SEMA6A: variants seen among roughly 807,000 people sequenced by gnomAD.
SEMA6A encodes the protein semaphorin-6A.
A neutral mutation model predicts 96.8 loss-of-function variants in SEMA6A; 25 were observed. The ratio of observed to expected loss-of-function variants is 0.26; its 90% CI spans 0.19 to 0.36. The LOEUF (loss-of-function observed/expected upper bound fraction) is 0.36. Among genes scored for constraint, SEMA6A ranks in the 10% least tolerant of loss-of-function variants. The probability of loss-of-function intolerance (pLI) is 1.00; values close to 1 mark genes in which losing one functional copy is unlikely to be tolerated. For synonymous variants in SEMA6A, 612 were observed against 518.0 expected, an observed-to-expected ratio of 1.18 and a Z score of -2.46; for missense variants, 1,363 against 1,323.1, an observed-to-expected ratio of 1.03 and a Z score of -0.47.
At chr5:116,473,402 T>C (rs1396411073) in intron 16 of SEMA6A, among the ~76,000 whole-genome samples, 6 of 152,354 alleles carry the variant, frequency 3.9e-5, no homozygotes, top group African/African-American at 1.2e-4. Flanking sequence ...TAAACCCTTC[T>C]TTATACAGAG....
At chr5:116,506,512 C>T (rs1458083904) in intron 1 of SEMA6A, among the ~76,000 whole-genome samples, 1 of 152,282 alleles carries the variant, frequency 6.6e-6, no homozygotes, top group East Asian at 1.9e-4. Flanking sequence ...TTTGCCAGTT[C>T]TTCCTATCCT....
intron 1 of SEMA6A, among the ~76,000 whole-genome samples, chr5:116,554,504 C>A (rs1326481856): frequency 6.6e-6 from 1 of 152,142 alleles, no homozygotes; most frequent in South Asian, 2.1e-4. Context: ...AAAATACACA[C>A]ATTTATTTGG....
chr5:116,463,393 G>T (rs1392667626), intron 18 of SEMA6A, among the ~76,000 whole-genome samples: 3 of 152,126 alleles, frequency 2.0e-5, no homozygotes, highest in Non-Finnish European at 4.4e-5. Context: ...TAACTATAAA[G>T]AGAATTATTG....
intron 5 of SEMA6A, 77 bp from the exon 6 acceptor site, chr5:116,495,591 G>T: frequency 9.1e-7 from 1 of 1,101,834 alleles, no homozygotes; most frequent in Non-Finnish European, 1.3e-6. Flanking sequence ...GCCATGGTTG[G>T]CTGACAGTAA....
rs112230290 is a variant in SEMA6A, at chr5:116,495,605, T to A, written c.343-91A>T. 3,002 of 936,600 alleles carry A rather than the reference T, an allele frequency of 3.2e-3. 63 individuals carry two copies. The African/African-American group carries it at 0.044, about 14-fold the overall frequency. The allele number at this position is 936,600 out of a possible 1,614,324, so 58.0% of individuals were successfully genotyped here. A position where few individuals can be genotyped will look rare whatever the true frequency, so the allele number is the denominator to read the frequency against. ...TGCCATGGTTGGCTGACAGTAAGGT[T>A]AAAGTGGAGGTGGCTGAGGACTTCT... On this transcript the variant is annotated intron_variant, in intron 5 of 18. Transcript: ENST00000343348.
At chr5:116,455,106 T>C (rs972961415) in intron 18 of SEMA6A, among the ~76,000 whole-genome samples, 6 of 152,160 alleles carry the variant, frequency 3.9e-5, no homozygotes, top group African/African-American at 1.4e-4. Flanking sequence ...GAAGGGAGAA[T>C]GAGCCTGGAA....
At chr5:116,517,564 C>T (rs976846853) in intron 1 of SEMA6A, among the ~76,000 whole-genome samples, 2 of 152,138 alleles carry the variant, frequency 1.3e-5, no homozygotes, top group African/African-American at 4.8e-5. Context: ...GACTGAGTTA[C>T]TTATTTTTCA....
chr5:116,479,994 C>T (rs1048578493), intron 12 of SEMA6A, 128 bp downstream of exon 12: 1 of 1,111,280 alleles, frequency 9.0e-7, no homozygotes, highest in Non-Finnish European at 1.3e-6. Context: ...GCCACCATTT[C>T]ACAGCTGAAT....
intron 12 of SEMA6A, among the ~76,000 whole-genome samples, chr5:116,479,524 T>C (rs1756643375): frequency 6.6e-6 from 1 of 152,260 alleles, no homozygotes; most frequent in Admixed American, 6.5e-5. Context: ...GTTTGATGGC[T>C]ACCACAGTGG....
At chr5:116,491,428 T>C (rs887338159) in intron 7 of SEMA6A, among the ~76,000 whole-genome samples, 5 of 152,076 alleles carry the variant, frequency 3.3e-5, no homozygotes, top group Non-Finnish European at 7.4e-5. Context: ...AATTTAATTT[T>C]TTTTTTTTAC....
intron 17 of SEMA6A, chr5:116,472,459 G>A (rs777650315): frequency 1.3e-5 from 2 of 158,062 alleles, no homozygotes; most frequent in Non-Finnish European, 2.8e-5. Flanking sequence ...TGTGTATCCT[G>A]TATAGATTTT....
intron 18 of SEMA6A, among the ~76,000 whole-genome samples, chr5:116,448,482 C>T (rs915459956): frequency 1.3e-5 from 2 of 152,080 alleles, no homozygotes; most frequent in African/African-American, 4.8e-5. Flanking sequence ...TTTAACCTTC[C>T]CTTCCTAGAA....
At chr5:116,476,618 T>G (rs1756463911) in intron 15 of SEMA6A, among the ~76,000 whole-genome samples, 2 of 152,206 alleles carry the variant, frequency 1.3e-5, no homozygotes, top group Non-Finnish European at 1.5e-5. Flanking sequence ...ATGCAAACCT[T>G]AAGGAAACTA....
Position 116,480,050 on chromosome 5 carries a change from A to G in SEMA6A, c.1250+72T>C, listed in dbSNP as rs905493762. ...GATGTTTGTGGCATTTCAAAGCATG[A>G]TCCACTGATTGGTTCTCCGACATGA... On this transcript the variant is annotated intron_variant, in intron 12 of 18. Transcript: ENST00000343348. 2.1e-5 allele frequency: 33 copies of G among 1,539,242 alleles called. No homozygotes were observed. In the African/African-American group the frequency reaches 4.1e-4, roughly 19 times the overall value.
At chr5:116,553,388 A>G (rs995522644) in intron 1 of SEMA6A, among the ~76,000 whole-genome samples, 6 of 152,194 alleles carry the variant, frequency 3.9e-5, no homozygotes, top group African/African-American at 1.4e-4. Flanking sequence ...ACTTGGTGTC[A>G]TTAGCGTCTA....
At chr5:116,570,353 T>A (rs907873739) in intron 1 of SEMA6A, among the ~76,000 whole-genome samples, 3 of 147,002 alleles carry the variant, frequency 2.0e-5, no homozygotes, top group African/African-American at 7.5e-5. Context: ...GTGGGGGGGG[T>A]TCCTGATATG....
chr5:116,453,275 A>T (rs1317586352), intron 18 of SEMA6A, among the ~76,000 whole-genome samples: 1 of 152,150 alleles, frequency 6.6e-6, no homozygotes, highest in Admixed American at 6.6e-5. Context: ...CCCACTCATC[A>T]GACCCTATCT....
chr5:116,564,919 G>T (rs1253072977), intron 1 of SEMA6A, among the ~76,000 whole-genome samples: 1 of 152,136 alleles, frequency 6.6e-6, no homozygotes, highest in Non-Finnish European at 1.5e-5. Flanking sequence ...TGTTTCCATT[G>T]CCAAAATAAC....
chr5:116,511,568 G>C (rs772483957), intron 1 of SEMA6A, among the ~76,000 whole-genome samples: 1 of 152,190 alleles, frequency 6.6e-6, no homozygotes, highest in African/African-American at 2.4e-5. Context: ...TTCATATATA[G>C]GCTGATGCAT....
Sources: allele counts gnomAD v4.1 joint callset (sites outside exome capture counted in the v4.1 genomes callset), GRCh38; gene constraint gnomAD v4.1.1; transcripts MANE v1.5; gene names NCBI Gene and HGNC (gene_info 2026-07-23, HGNC 2026-07-21).